The following RIMS2 variants were observed in gnomAD, a reference collection of about 807,000 sequenced individuals.
RIMS2 encodes the protein regulating synaptic membrane exocytosis 2, also known as regulating synaptic membrane exocytosis protein 2.
RIMS2 carries 59 observed loss-of-function variants against 174.4 expected under a neutral mutation model. The ratio of observed to expected loss-of-function variants is 0.34; its 90% CI spans 0.27 to 0.42. The LOEUF is 0.42. Among genes scored for constraint, RIMS2 ranks in the 10% least tolerant of loss-of-function variants. The pLI, the probability that RIMS2 is intolerant of heterozygous loss-of-function variation, is 1.00. For missense variants in RIMS2, 1,620 were observed against 1,666.3 expected (o/e 0.97, Z 0.48); for synonymous variants, 606 against 572.5 (o/e 1.06, Z -0.84).
At chr8:103,828,167 C>T (rs910621200) in intron 3 of RIMS2, among the ~76,000 whole-genome samples, 4 of 152,062 alleles carry the variant, frequency 2.6e-5, no homozygotes, top group African/African-American at 9.7e-5. Context: ...GTTGAAATGT[C>T]TATGACAGGT....
At chr8:103,963,893 A>G (rs2091001488) in intron 15 of RIMS2, among the ~76,000 whole-genome samples, 1 of 152,082 alleles carries the variant, frequency 6.6e-6, no homozygotes, top group Non-Finnish European at 1.5e-5. Flanking sequence ...TACTGTCTCC[A>G]TAGTTTTGCC....
chr8:103,855,842 T>G (rs1192834129), intron 3 of RIMS2, among the ~76,000 whole-genome samples: 1 of 152,090 alleles, frequency 6.6e-6, no homozygotes, highest in Non-Finnish European at 1.5e-5. Flanking sequence ...GGTTGTCGGG[T>G]GGAGTGTTCT....
intron 1 of RIMS2, among the ~76,000 whole-genome samples, chr8:103,668,387 T>G (rs758576378): frequency 6.6e-6 from 1 of 152,236 alleles, no homozygotes; most frequent in African/African-American, 2.4e-5. Context: ...GCTACTGTTA[T>G]AGGATTAACC....
In RIMS2 at chr8:103,997,378, T is replaced by G. The variant is rs563725002; in HGVS notation, c.3044+7957T>G. 5.3e-5 allele frequency among the ~76,000 whole-genome samples: 8 copies of G among 151,934 alleles called. No homozygotes were observed. In the South Asian group the frequency reaches 1.7e-3, roughly 32 times the overall value. On this transcript the variant is annotated intron_variant, in intron 17 of 23. Coordinates refer to ENST00000504942, the Ensembl canonical transcript of RIMS2. ...ATTTAAATGTATGTTTACTTTATATTTAGAGATAGAATTGTGGAATTTGAG... is the reference window on the plus strand; with the variant it reads ...ATTTAAATGTATGTTTACTTTATATGTAGAGATAGAATTGTGGAATTTGAG...
rs189676051 is a variant in RIMS2 at position 104,153,923 on chromosome 8, G to T, written c.3335-90993G>T. Among the ~76,000 whole-genome samples, 1,106 of 152,304 alleles carry T rather than the reference G, an allele frequency of 7.3e-3. 10 individuals carry two copies. The highest frequency in any genetic ancestry group is 0.025 in the African/African-American group (1,050 of 41,566). On this transcript the variant is annotated intron_variant, in intron 19 of 23. Coordinates refer to ENST00000504942, the Ensembl canonical transcript of RIMS2. The stretch of plus-strand genomic sequence containing the variant: ...AGACTGATAATTTACCATTGAATTT[G>T]GCAAGATGGAGAAATTTGGTATACC...
chr8:103,612,669 A>C (rs144204915), intron 1 of RIMS2, among the ~76,000 whole-genome samples: 1 of 152,046 alleles, frequency 6.6e-6, no homozygotes, highest in Non-Finnish European at 1.5e-5. Context: ...ACCTCCGCCT[A>C]CTGGGTTCAA....
intron 3 of RIMS2, among the ~76,000 whole-genome samples, chr8:103,878,763 CT>C (rs2099153933): frequency 6.6e-6 from 1 of 151,272 alleles, no homozygotes; most frequent in Admixed American, 6.6e-5. Context: ...TATTGATCCC[CT>C]GAGGGGATCA....
chr8:103,631,388 T>C (rs2095916773), intron 1 of RIMS2, among the ~76,000 whole-genome samples: 1 of 152,248 alleles, frequency 6.6e-6, no homozygotes, highest in South Asian at 2.1e-4. Flanking sequence ...TGCGTAGAGA[T>C]TCTTTTCCAC....
intron 1 of RIMS2, among the ~76,000 whole-genome samples, chr8:103,666,606 A>T (rs762547193): frequency 6.6e-6 from 1 of 152,050 alleles, no homozygotes; most frequent in African/African-American, 2.4e-5. Context: ...AGAGAGAAAA[A>T]CATTTCTGGT....
At position 103,830,846 on chromosome 8, in the gene RIMS2, T is replaced by C. The variant is rs74742464; in HGVS notation, c.699-54452T>C. ...TTTCTTGAGACAAGGTCTTGCTCTG[T>C]TGCTCAGGCTGCAGTGCAGTAGTGC... is the stretch of plus-strand genomic sequence containing the variant. On this transcript the variant is annotated intron_variant, in intron 3 of 23. Transcript: ENST00000504942. Among the ~76,000 whole-genome samples, 1,066 of 152,362 alleles carry C rather than the reference T, an allele frequency of 7.0e-3. 10 individuals are homozygous for C. The highest frequency in any genetic ancestry group is 0.025 in the African/African-American group (1,027 of 41,580).
rs145020223 is a variant in RIMS2, at chr8:103,630,535, G to A, written c.177-66551G>A. On this transcript the variant is annotated intron_variant, in intron 1 of 23. Coordinates refer to ENST00000504942, the Ensembl canonical transcript of RIMS2. ...GCAAAGGTTGCAATGAGCCGAGATC[G>A]TCCCATTGCACTCTAGCCTGGGCAA... Among the ~76,000 whole-genome samples, 877 of 143,642 alleles carry A rather than the reference G, an allele frequency of 6.1e-3. 11 individuals carry two copies. The highest frequency in any genetic ancestry group is 0.022 in the African/African-American group (824 of 38,324). 94.2% of individuals were successfully genotyped at this position (143,642 alleles called of 152,430 possible). A position where few individuals can be genotyped will look rare whatever the true frequency, so the allele number is the denominator to read the frequency against.
chr8:103,973,322 C>T (rs2093094149), intron 15 of RIMS2, among the ~76,000 whole-genome samples: 1 of 151,936 alleles, frequency 6.6e-6, no homozygotes, highest in Non-Finnish European at 1.5e-5. Context: ...TTTTGTATTA[C>T]ATAATATATG....
intron 1 of RIMS2, among the ~76,000 whole-genome samples, chr8:103,635,359 C>T (rs2096050859): frequency 1.3e-5 from 2 of 152,360 alleles, no homozygotes; most frequent in South Asian, 2.1e-4. Flanking sequence ...TTGGTACTGA[C>T]TGGATCCATA....
intron 19 of RIMS2, among the ~76,000 whole-genome samples, chr8:104,069,306 A>G (rs1353868225): frequency 6.6e-6 from 1 of 152,168 alleles, no homozygotes; most frequent in Non-Finnish European, 1.5e-5. Flanking sequence ...TCATTGGGAC[A>G]TAAGCCCGTC....
At chr8:103,825,002 T>G (rs1206581858) in intron 3 of RIMS2, among the ~76,000 whole-genome samples, 1 of 152,210 alleles carries the variant, frequency 6.6e-6, no homozygotes. Flanking sequence ...ATCTAGGGTC[T>G]GCTGCTTACT....
chr8:103,866,603 C>T (rs1183699914), intron 3 of RIMS2, among the ~76,000 whole-genome samples: 1 of 152,076 alleles, frequency 6.6e-6, no homozygotes, highest in African/African-American at 2.4e-5. Flanking sequence ...AGCACAGGTA[C>T]TAATGTCAGT....
chr8:103,757,004 TGTGTGTGA>T (rs1242104340), intron 2 of RIMS2, among the ~76,000 whole-genome samples: 52 of 130,586 alleles, frequency 4.0e-4, no homozygotes, highest in Admixed American at 1.3e-3. Flanking sequence ...TGTGTGTGTG[TGTGTGTGA>T]GAGAGAGAGA....
At chr8:103,788,820 C>G (rs1251542948) in intron 3 of RIMS2, among the ~76,000 whole-genome samples, 1 of 152,258 alleles carries the variant, frequency 6.6e-6, no homozygotes, top group African/African-American at 2.4e-5. Context: ...TTGCTGGCTG[C>G]TTTGTTTATC....
intron 1 of RIMS2, among the ~76,000 whole-genome samples, chr8:103,607,090 C>G (rs1424184165): frequency 2.0e-5 from 3 of 151,782 alleles, no homozygotes; most frequent in Admixed American, 6.6e-5. Context: ...CAGTTTCTTC[C>G]TAGTCTCGAT....
Sources: allele counts gnomAD v4.1 joint callset (sites outside exome capture counted in the v4.1 genomes callset), GRCh38; gene constraint gnomAD v4.1.1; transcripts MANE v1.5; gene names NCBI Gene and HGNC (gene_info 2026-07-23, HGNC 2026-07-21).